NEMP2: variants seen among roughly 807,000 people sequenced by gnomAD.
The protein encoded by NEMP2 is UPF0571 transmembrane protein.
NEMP2 carries 53 observed loss-of-function variants against 54.2 expected under a neutral mutation model. The ratio of observed to expected loss-of-function variants is 0.98; its 90% confidence interval spans 0.78 to 1.23. The LOEUF (loss-of-function observed/expected upper bound fraction) is 1.23. NEMP2 is among the 50% of genes most tolerant of loss of function. NEMP2 has a pLI of 0.00. For missense variants in NEMP2, 455 were observed against 511.3 expected (o/e 0.89, Z 1.06); for synonymous variants, 197 against 190.3 (o/e 1.04, Z -0.29).
upstream of NEMP2, chr2:190,534,905 C>CGGCCT: frequency 2.9e-6 from 1 of 350,010 alleles, no homozygotes. Context: ...TGGCATGCTC[C>CGGCCT]CGGCCTCGGC....
the NEMP2 span, among the ~76,000 whole-genome samples, chr2:190,564,176 G>A: frequency 1.3e-5 from 2 of 152,328 alleles, no homozygotes; most frequent in South Asian, 4.1e-4. The surrounding 1 kb of genome is among the most constrained non-coding windows in gnomAD (Gnocchi z 4.2). Flanking sequence ...CAATCTTGAA[G>A]AGGAAATATG....
chr2:190,483,124 C>G, the NEMP2 span, among the ~76,000 whole-genome samples: 50 of 151,070 alleles, frequency 3.3e-4, no homozygotes, highest in Admixed American at 1.6e-3. Flanking sequence ...GATCTCCTGA[C>G]CTCGTGATCC....
chr2:190,537,398 C>A (rs1691411575), upstream of NEMP2, among the ~76,000 whole-genome samples: 1 of 152,128 alleles, frequency 6.6e-6, no homozygotes, highest in Non-Finnish European at 1.5e-5. Flanking sequence ...GGGGGTTATT[C>A]TTATGCTAGT....
the NEMP2 span, chr2:190,435,928 CAT>C: frequency 1.4e-6 from 2 of 1,407,948 alleles, no homozygotes; most frequent in Non-Finnish European, 1.9e-6. Flanking sequence ...TCTGTGTTTA[CAT>C]GTTATGATTT....
chr2:190,576,510 G>T, the NEMP2 span, among the ~76,000 whole-genome samples: 14 of 151,254 alleles, frequency 9.3e-5, no homozygotes, highest in African/African-American at 3.4e-4. Context: ...AAATGAAAGA[G>T]AAAAGTTTCC....
downstream of NEMP2, chr2:190,499,701 T>G: frequency 2.0e-6 from 2 of 1,006,624 alleles, no homozygotes; most frequent in Non-Finnish European, 2.7e-6. This position sits in a 1 kb window ranked among gnomAD's most constrained non-coding sequence, Gnocchi z 6.0. Flanking sequence ...CCACATGGCT[T>G]GGGGGGCTCA....
the NEMP2 span, among the ~76,000 whole-genome samples, chr2:190,493,964 C>G: frequency 2.6e-5 from 4 of 151,098 alleles, no homozygotes; most frequent in East Asian, 1.9e-4. Flanking sequence ...ACTAGAGAAA[C>G]AAGAACAAAC....
chr2:190,579,687 A>C, the NEMP2 span, among the ~76,000 whole-genome samples: 1 of 152,236 alleles, frequency 6.6e-6, no homozygotes, highest in Admixed American at 6.5e-5. Context: ...TTGGGGCCCA[A>C]GTCTTCCACA....
the NEMP2 span, among the ~76,000 whole-genome samples, chr2:190,593,802 A>C: frequency 6.6e-6 from 1 of 152,304 alleles, no homozygotes; most frequent in African/African-American, 2.4e-5. This position sits in a 1 kb window ranked among gnomAD's most constrained non-coding sequence, Gnocchi z 4.5. Flanking sequence ...TTCCAATTTT[A>C]AAGTTTTTAA....
chr2:190,450,725 T>C, the NEMP2 span, among the ~76,000 whole-genome samples: 1 of 152,098 alleles, frequency 6.6e-6, no homozygotes, highest in Non-Finnish European at 1.5e-5. Flanking sequence ...ACTCCTAAGC[T>C]CAAGTGATCT....
chr2:190,434,321 A>G, the NEMP2 span, among the ~76,000 whole-genome samples: 60 of 152,350 alleles, frequency 3.9e-4, no homozygotes, highest in African/African-American at 1.3e-3. The surrounding 1 kb of genome is among the most constrained non-coding windows in gnomAD (Gnocchi z 4.3). Context: ...CACTTTAATC[A>G]TTCAATCTTT....
chr2:190,515,290 G>C (rs1053763339), intron 6 of NEMP2, among the ~76,000 whole-genome samples: 2 of 152,160 alleles, frequency 1.3e-5, no homozygotes, highest in Admixed American at 1.3e-4. Context: ...CTATCATAAA[G>C]GGGTCATCAG....
At chr2:190,601,436 C>T in the NEMP2 span, among the ~76,000 whole-genome samples, 2 of 152,140 alleles carry the variant, frequency 1.3e-5, no homozygotes, top group Admixed American at 6.5e-5. The surrounding 1 kb of genome is among the most constrained non-coding windows in gnomAD (Gnocchi z 5.8). Flanking sequence ...TGCTGTGTAA[C>T]AATGTGGCAA....
At chr2:190,593,615 T>C in the NEMP2 span, among the ~76,000 whole-genome samples, 1 of 152,098 alleles carries the variant, frequency 6.6e-6, no homozygotes, top group Non-Finnish European at 1.5e-5. This position sits in a 1 kb window ranked among gnomAD's most constrained non-coding sequence, Gnocchi z 4.5. Flanking sequence ...CAAATGGCCA[T>C]GTGTCTAGCT....
the NEMP2 span, among the ~76,000 whole-genome samples, chr2:190,568,507 G>A: frequency 6.6e-6 from 1 of 152,088 alleles, no homozygotes; most frequent in Non-Finnish European, 1.5e-5. The surrounding 1 kb of genome is among the most constrained non-coding windows in gnomAD (Gnocchi z 4.7). Context: ...AATAATATTT[G>A]TCATTTTAAT....
the NEMP2 span, among the ~76,000 whole-genome samples, chr2:190,636,073 C>T: frequency 0.019 from 2,922 of 152,302 alleles, 93 homozygotes; most frequent in African/African-American, 0.066. Context: ...TTATATTGCT[C>T]AGGCTAGTTG....
chr2:190,479,782 A>G, the NEMP2 span, among the ~76,000 whole-genome samples: 1 of 152,334 alleles, frequency 6.6e-6, no homozygotes, highest in East Asian at 1.9e-4. Context: ...CTGAGGAGTG[A>G]AAACGAGGTC....
the NEMP2 span, among the ~76,000 whole-genome samples, chr2:190,602,213 C>T: frequency 6.6e-6 from 1 of 152,118 alleles, no homozygotes; most frequent in Non-Finnish European, 1.5e-5. Flanking sequence ...AAGGAATTTG[C>T]TCATATGATC....
chr2:190,632,796 TA>T, the NEMP2 span, among the ~76,000 whole-genome samples: 3 of 151,580 alleles, frequency 2.0e-5, no homozygotes, highest in African/African-American at 7.3e-5. The surrounding 1 kb of genome is among the most constrained non-coding windows in gnomAD (Gnocchi z 4.8). Flanking sequence ...TTATGTCAAT[TA>T]AAAAAAAATC....
Sources: gnomAD v4.1 joint callset for allele counts (sites outside exome capture counted in the v4.1 genomes callset) on GRCh38, gnomAD v4.1.1 for gene constraint, Gnocchi (gnomAD v3.1) non-coding constraint, MANE v1.5 for transcripts, NCBI Gene and HGNC (gene_info 2026-07-23, HGNC 2026-07-21) for gene names.